The following COL23A1 variants were observed in gnomAD, a reference collection of about 807,000 sequenced individuals.
The protein encoded by COL23A1 is collagen alpha-1(XXIII) chain.
COL23A1 carries 97 observed loss-of-function variants against 99.3 expected under a neutral mutation model. The ratio of observed to expected loss-of-function variants is 0.98; its 90% CI spans 0.83 to 1.16. The LOEUF (loss-of-function observed/expected upper bound fraction) is 1.16. Ranked by LOEUF, COL23A1 falls within the 50% of genes most tolerant of loss-of-function variation. The pLI is 0.00. For missense variants in COL23A1, 762 were observed against 757.4 expected, an observed-to-expected ratio of 1.01 and a Z score of -0.07; for synonymous variants, 320 against 308.2, an observed-to-expected ratio of 1.04 and a Z score of -0.40.
intron 2 of COL23A1, among the ~76,000 whole-genome samples, chr5:178,554,145 C>T (rs969874960): frequency 6.6e-6 from 1 of 151,994 alleles, no homozygotes; most frequent in African/African-American, 2.4e-5. Context: ...CCCTGGGCCA[C>T]GCTGCCTCTT....
At chr5:178,554,065 T>C (rs1319165285) in intron 2 of COL23A1, among the ~76,000 whole-genome samples, 2 of 152,044 alleles carry the variant, frequency 1.3e-5, no homozygotes, top group African/African-American at 4.8e-5. Context: ...AGGATAAGTG[T>C]GAGGTCACGG....
At chr5:178,542,373 G>A (rs1335645962) in intron 2 of COL23A1, among the ~76,000 whole-genome samples, 1 of 152,148 alleles carries the variant, frequency 6.6e-6, no homozygotes, top group Admixed American at 6.6e-5. Flanking sequence ...TAAAAATTCG[G>A]CAGACATCAG....
At chr5:178,457,749 T>G (rs915352401) in intron 2 of COL23A1, among the ~76,000 whole-genome samples, 3 of 152,208 alleles carry the variant, frequency 2.0e-5, no homozygotes, top group Admixed American at 2.0e-4. Flanking sequence ...ATGTGTATCA[T>G]GGAATAAAGC....
intron 2 of COL23A1, among the ~76,000 whole-genome samples, chr5:178,515,905 G>A (rs1197488901): frequency 2.6e-5 from 4 of 151,804 alleles, no homozygotes; most frequent in Admixed American, 2.6e-4. Flanking sequence ...GTTGGACCCG[G>A]TCCAGTGCTC....
chr5:178,444,887 A>G (rs141813167), intron 2 of COL23A1, among the ~76,000 whole-genome samples: 7 of 152,350 alleles, frequency 4.6e-5, no homozygotes, highest in African/African-American at 1.7e-4. Context: ...GAAATGGGGA[A>G]ATATAAATAT....
At chr5:178,377,487 C>G (rs10079266) in intron 2 of COL23A1, among the ~76,000 whole-genome samples, 15,829 of 152,288 alleles carry the variant, frequency 0.1, 1,669 homozygotes, top group African/African-American at 0.27. Flanking sequence ...CTAGTGAAAA[C>G]TCACCACACA....
chr5:178,293,878 A>G (rs1466761042), intron 3 of COL23A1, among the ~76,000 whole-genome samples: 3 of 152,072 alleles, frequency 2.0e-5, no homozygotes, highest in Non-Finnish European at 4.4e-5. Context: ...GGCTGTTGTC[A>G]GAGGAGGCCA....
At chr5:178,320,041 G>A (rs952729750) in intron 2 of COL23A1, among the ~76,000 whole-genome samples, 6 of 152,188 alleles carry the variant, frequency 3.9e-5, no homozygotes, top group Non-Finnish European at 7.3e-5. Flanking sequence ...AATGCTTGCC[G>A]CCTCCTCGGG....
At chr5:178,481,905 A>G (rs1581474022) in intron 2 of COL23A1, among the ~76,000 whole-genome samples, 1 of 150,896 alleles carries the variant, frequency 6.6e-6, no homozygotes, top group African/African-American at 2.4e-5. Flanking sequence ...ATAGCATTAG[A>G]AGATATACCT....
intron 1 of COL23A1, among the ~76,000 whole-genome samples, chr5:178,578,057 CCACATGCACACACA>C (rs1179379622): frequency 1.3e-5 from 2 of 151,274 alleles, no homozygotes; most frequent in Non-Finnish European, 2.9e-5. Context: ...ATGCACACAC[CCACATGCACACACA>C]CACTCATGCA....
chr5:178,494,756 A>G (rs636543), intron 2 of COL23A1, among the ~76,000 whole-genome samples: 1,549 of 152,194 alleles, frequency 0.01, 29 homozygotes, highest in African/African-American at 0.034. Context: ...ACACCTTCAA[A>G]CAGCCCCTTT....
At chr5:178,248,310 C>T in intron 19 of COL23A1, 56 bp from the exon 20 acceptor site, 2 of 1,374,970 alleles carry the variant, frequency 1.5e-6, no homozygotes, top group South Asian at 1.2e-5. Flanking sequence ...TATCACCACC[C>T]ACGGTGCTTA....
At chr5:178,338,145 AG>A (rs1460211237) in intron 2 of COL23A1, among the ~76,000 whole-genome samples, 1 of 152,206 alleles carries the variant, frequency 6.6e-6, no homozygotes, top group Non-Finnish European at 1.5e-5. Context: ...CCATGCTGTT[AG>A]CCATGACTTT....
rs1491358052 is a variant in COL23A1 at position 178,517,902 on chromosome 5, T to TA, written c.361+42779dup. ...TTTTTTTTTTTTTTTTTTTTTTTTT[T>TA]AATTTATTTTTTTATTGATAATTCT... On this transcript the variant is annotated intron_variant, in intron 2 of 28. Coordinates refer to ENST00000390654, the MANE Select transcript of COL23A1 (RefSeq NM_173465.4). Among the ~76,000 whole-genome samples the TA allele has an allele frequency of 1.1e-3, 118 of 103,670 alleles. 2 individuals are homozygous for TA. The highest frequency in any genetic ancestry group is 5.1e-3 in the African/African-American group (114 of 22,396). 68.0% of individuals were successfully genotyped at this position (103,670 alleles called of 152,430 possible).
chr5:178,260,542 C>A (rs1765571783), intron 11 of COL23A1, among the ~76,000 whole-genome samples: 1 of 152,174 alleles, frequency 6.6e-6, no homozygotes. Flanking sequence ...TGCCTGTAAT[C>A]CTAGCACTTT....
chr5:178,478,423 T>C (rs577527649), intron 2 of COL23A1, among the ~76,000 whole-genome samples: 1 of 152,336 alleles, frequency 6.6e-6, no homozygotes, highest in East Asian at 1.9e-4. Context: ...GATAGTGCCA[T>C]TTCTTATACA....
chr5:178,278,611 T>G (rs1756721729), intron 5 of COL23A1, among the ~76,000 whole-genome samples: 1 of 152,028 alleles, frequency 6.6e-6, no homozygotes, highest in African/African-American at 2.4e-5. Context: ...GAGCCTGCAA[T>G]TCTAGCTCAG....
In COL23A1 at chr5:178,420,618, T is replaced by C. The variant is rs908833797; in HGVS notation, c.362-113699A>G. Reference sequence around the variant, plus strand: ...CCCCTCCCCCCTTCCCCCCCTTTCCTCCTCCCCTCCCTGAGATGTGACCTC... The same window carrying C: ...CCCCTCCCCCCTTCCCCCCCTTTCCCCCTCCCCTCCCTGAGATGTGACCTC... On this transcript the variant is annotated intron_variant, in intron 2 of 28. Coordinates refer to ENST00000390654, the MANE Select transcript of COL23A1 (RefSeq NM_173465.4). 7.4e-3 allele frequency among the ~76,000 whole-genome samples: 40 copies of C among 5,396 alleles called. No homozygotes were observed. In the East Asian group the frequency reaches 0.12, roughly 16 times the overall value. 3.5% of individuals were successfully genotyped at this position (5,396 alleles called of 152,430 possible).
intron 11 of COL23A1, 107 bp downstream of exon 11, chr5:178,261,615 C>A: frequency 1.3e-6 from 1 of 773,110 alleles, no homozygotes; most frequent in Non-Finnish European, 2.3e-6. Context: ...GACCCTGCTG[C>A]CTTGGCTTCA....
Sources: gnomAD v4.1 joint callset for allele counts (sites outside exome capture counted in the v4.1 genomes callset) on GRCh38, gnomAD v4.1.1 for gene constraint, MANE v1.5 for transcripts, NCBI Gene and HGNC (gene_info 2026-07-23, HGNC 2026-07-21) for gene names.